Variants in IMMP2L observed in about 807,000 individuals in gnomAD.
IMMP2L encodes inner mitochondrial membrane peptidase subunit 2, also known as mitochondrial inner membrane protease subunit 2.
Under a neutral mutation model 19.3 loss-of-function variants are expected in IMMP2L, and 18 were observed. The observed-to-expected ratio is 0.93, with a 90% CI of 0.64 to 1.38. IMMP2L has a LOEUF of 1.38. IMMP2L is among the 40% of genes most tolerant of loss of function. The pLI, the probability that IMMP2L is intolerant of heterozygous loss-of-function variation, is 0.00. For missense variants in IMMP2L, 233 were observed against 218.2 expected (o/e 1.07, Z -0.43); for synonymous variants, 76 against 73.0 (o/e 1.04, Z -0.21).
chr7:111,216,514 A>C (rs1014878693), intron 3 of IMMP2L, among the ~76,000 whole-genome samples: 15 of 152,134 alleles, frequency 9.9e-5, no homozygotes, highest in African/African-American at 3.1e-4. Context: ...CCATCACCTC[A>C]AATATTTCCA....
At chr7:111,202,407 A>G (rs1336169529) in intron 3 of IMMP2L, among the ~76,000 whole-genome samples, 1 of 152,186 alleles carries the variant, frequency 6.6e-6, no homozygotes, top group Non-Finnish European at 1.5e-5. Context: ...TGTCATGTAG[A>G]ATTCATTGTT....
intron 3 of IMMP2L, among the ~76,000 whole-genome samples, chr7:111,256,786 A>G (rs1382946956): frequency 3.3e-5 from 5 of 152,058 alleles, no homozygotes; most frequent in Admixed American, 3.3e-4. Context: ...ATTATCATAT[A>G]CTGTGAATTC....
chr7:110,796,380 T>C (rs1442542569), intron 5 of IMMP2L, among the ~76,000 whole-genome samples: 2 of 152,072 alleles, frequency 1.3e-5, no homozygotes, highest in Non-Finnish European at 2.9e-5. Flanking sequence ...CTCTATCTTC[T>C]TGCTTCCTCG....
chr7:111,061,710 C>G (rs1339377053), intron 3 of IMMP2L, among the ~76,000 whole-genome samples: 2 of 152,108 alleles, frequency 1.3e-5, no homozygotes, highest in African/African-American at 2.4e-5. Context: ...TTGCACTGTT[C>G]CCACCCAGTT....
chr7:111,393,772 T>C (rs1391155273), intron 3 of IMMP2L, among the ~76,000 whole-genome samples: 1 of 152,192 alleles, frequency 6.6e-6, no homozygotes, highest in African/African-American at 2.4e-5. Context: ...AAGTTTATCC[T>C]ATACTTACAT....
At chr7:111,357,767 C>A (rs1434555767) in intron 3 of IMMP2L, among the ~76,000 whole-genome samples, 1 of 152,034 alleles carries the variant, frequency 6.6e-6, no homozygotes, top group East Asian at 1.9e-4. Context: ...CCCTAAGCAA[C>A]ATGAGTCATC....
intron 3 of IMMP2L, among the ~76,000 whole-genome samples, chr7:111,483,015 C>T (rs1165992528): frequency 1.3e-5 from 2 of 152,014 alleles, no homozygotes; most frequent in Admixed American, 1.3e-4. Flanking sequence ...AAAAAAAGGA[C>T]ATTAGTGGGA....
At chr7:110,985,222 C>G (rs943779013) in intron 3 of IMMP2L, among the ~76,000 whole-genome samples, 1 of 152,008 alleles carries the variant, frequency 6.6e-6, no homozygotes, top group African/African-American at 2.4e-5. Flanking sequence ...CTCTGAACTA[C>G]AGAACTATAA....
chr7:111,418,503 T>C (rs1835160740), intron 3 of IMMP2L, among the ~76,000 whole-genome samples: 1 of 151,862 alleles, frequency 6.6e-6, no homozygotes, highest in Non-Finnish European at 1.5e-5. Flanking sequence ...CCTAATCTGA[T>C]ATCTTTTCAG....
At chr7:111,268,557 C>G (rs1453491468) in intron 3 of IMMP2L, among the ~76,000 whole-genome samples, 1 of 106,402 alleles carries the variant, frequency 9.4e-6, no homozygotes, top group African/African-American at 3.6e-5. Context: ...ATGAGTTAAA[C>G]TTCACATTTC....
intron 3 of IMMP2L, among the ~76,000 whole-genome samples, chr7:111,292,542 A>T (rs1267752703): frequency 6.6e-6 from 1 of 151,934 alleles, no homozygotes; most frequent in Non-Finnish European, 1.5e-5. Flanking sequence ...TGTTTTCCAG[A>T]GTACTGGCAT....
chr7:111,305,906 G>C (rs1371375578), intron 3 of IMMP2L, among the ~76,000 whole-genome samples: 1 of 152,098 alleles, frequency 6.6e-6, no homozygotes, highest in Non-Finnish European at 1.5e-5. Flanking sequence ...TAGCTTCTGA[G>C]GAAAAGTGGT....
At chr7:111,183,338 G>C (rs770721682) in intron 3 of IMMP2L, among the ~76,000 whole-genome samples, 14 of 152,000 alleles carry the variant, frequency 9.2e-5, no homozygotes, top group Non-Finnish European at 1.5e-4. Context: ...CTGTAGTTCT[G>C]ATTACAAAAC....
At chr7:111,033,075 G>A (rs1299078223) in intron 3 of IMMP2L, among the ~76,000 whole-genome samples, 6 of 152,130 alleles carry the variant, frequency 3.9e-5, no homozygotes, top group East Asian at 1.9e-4. Context: ...AGCTGAGATC[G>A]TGCCACTGCA....
chr7:111,199,440 T>C (rs1809866424), intron 3 of IMMP2L, among the ~76,000 whole-genome samples: 2 of 152,036 alleles, frequency 1.3e-5, no homozygotes, highest in African/African-American at 4.8e-5. Context: ...TATGTAAAAG[T>C]TGAAAACACT....
At chr7:111,374,876 G>GA (rs1830547473) in intron 3 of IMMP2L, among the ~76,000 whole-genome samples, 2 of 152,038 alleles carry the variant, frequency 1.3e-5, no homozygotes, top group African/African-American at 4.8e-5. Flanking sequence ...TTAAATCAGG[G>GA]AAAAAACTAT....
chr7:111,101,768 A>T (rs769680482), intron 3 of IMMP2L, among the ~76,000 whole-genome samples: 1 of 151,486 alleles, frequency 6.6e-6, no homozygotes, highest in African/African-American at 2.4e-5. Context: ...GGACATTCAA[A>T]GTAAATAGTC....
intron 3 of IMMP2L, among the ~76,000 whole-genome samples, chr7:111,173,406 T>C (rs1806670663): frequency 6.6e-6 from 1 of 151,618 alleles, no homozygotes; most frequent in African/African-American, 2.4e-5. Context: ...TTGTGCACAC[T>C]TGGCCTCTCA....
At chr7:110,830,822 A>G (rs1671360246) in intron 5 of IMMP2L, among the ~76,000 whole-genome samples, 1 of 151,974 alleles carries the variant, frequency 6.6e-6, no homozygotes, top group South Asian at 2.1e-4. Context: ...ACACTCAGAT[A>G]CTCCAAGGCA....
Sources: gnomAD v4.1 joint callset for allele counts (sites outside exome capture counted in the v4.1 genomes callset) on GRCh38, gnomAD v4.1.1 for gene constraint, MANE v1.5 for transcripts, NCBI Gene and HGNC (gene_info 2026-07-23, HGNC 2026-07-21) for gene names.